ERN1: variants seen among roughly 807,000 people sequenced by gnomAD.
The protein encoded by ERN1 is serine/threonine-protein kinase/endoribonuclease IRE1.
In ERN1, 39 loss-of-function variants were observed where a neutral mutation model predicts 113.1. The ratio of observed to expected loss-of-function variants is 0.34; its 90% CI spans 0.27 to 0.45. The LOEUF (loss-of-function observed/expected upper bound fraction) is 0.45. Among genes scored for constraint, ERN1 ranks in the 20% least tolerant of loss-of-function variants. The pLI is 1.00. For missense variants in ERN1, 976 were observed against 1,274.8 expected (o/e 0.77, Z 3.57); for synonymous variants, 507 against 515.9 (o/e 0.98, Z 0.23).
In ERN1 at chr17:64,043,978, C is replaced by T. The variant is rs1912420750; in HGVS notation, c.*10G>A. 6.3e-7 allele frequency: 1 copy of T among 1,578,442 alleles called. No individual in the cohort carries two copies. The highest frequency in any genetic ancestry group is 8.7e-7 in the Non-Finnish European group (1 of 1,151,158). On this transcript the variant is annotated 3_prime_UTR_variant, in exon 22 of 22. Transcript: ENST00000433197. ...AGCTGGGGCCACCAGAACAGAGGGG[C>T]CGCCCTCGCTCAGAGGGCGTCTGGA...
In ERN1 at chr17:64,115,437, C is replaced by T. The variant is rs78976721; in HGVS notation, c.54+14539G>A. 2.1e-3 allele frequency among the ~76,000 whole-genome samples: 313 copies of T among 152,276 alleles called. 1 individual carries two copies. Among genetic ancestry groups the T allele is most frequent in the Non-Finnish European group, 3.4e-3 (233 of 68,018 alleles). On this transcript the variant is annotated intron_variant, in intron 1 of 21. Coordinates refer to ENST00000433197, the MANE Select transcript of ERN1 (RefSeq NM_001433.5). ...AAACTCCTGGCTTCAAGGGGTTTGC[C>T]GTCTAGCAGGAGAGTCGTGTAATGC...
intron 2 of ERN1, among the ~76,000 whole-genome samples, chr17:64,088,753 G>A (rs77374012): frequency 0.028 from 4,222 of 152,236 alleles, 85 homozygotes; most frequent in Non-Finnish European, 0.043. Flanking sequence ...TGCACCACAG[G>A]CTTTCCTAGG....
chr17:64,077,620 G>A (rs942491532), intron 4 of ERN1, among the ~76,000 whole-genome samples: 5 of 152,174 alleles, frequency 3.3e-5, no homozygotes, highest in Middle Eastern at 3.4e-3. Flanking sequence ...CCTCATCACC[G>A]TGCATGCCGC....
At chr17:64,110,917 G>C (rs1016115214) in intron 1 of ERN1, among the ~76,000 whole-genome samples, 1 of 152,160 alleles carries the variant, frequency 6.6e-6, no homozygotes, top group African/African-American at 2.4e-5. Flanking sequence ...CAGAAAAAGG[G>C]GCAAAGCATG....
chr17:64,094,279 C>G (rs1460766571), intron 2 of ERN1, among the ~76,000 whole-genome samples: 1 of 152,174 alleles, frequency 6.6e-6, no homozygotes, highest in South Asian at 2.1e-4. Flanking sequence ...CTATCCTGCA[C>G]TTGTCTCCAT....
intron 11 of ERN1, among the ~76,000 whole-genome samples, chr17:64,059,444 C>T (rs531644510): frequency 1.3e-5 from 2 of 152,272 alleles, no homozygotes; most frequent in South Asian, 2.1e-4. Context: ...AGGCCTGAAT[C>T]GGTCACTAAG....
intron 1 of ERN1, 187 bp downstream of exon 1, chr17:64,129,789 G>T: frequency 2.2e-6 from 1 of 460,938 alleles, no homozygotes; most frequent in Non-Finnish European, 3.5e-6. Flanking sequence ...CTCCCGTCAG[G>T]GAAGCTCTCC....
intron 1 of ERN1, chr17:64,129,608 G>A (rs2143522652): frequency 2.7e-6 from 1 of 364,806 alleles, no homozygotes; most frequent in Non-Finnish European, 4.9e-6. Flanking sequence ...GAGGAGGAGG[G>A]TCCCGCAGGT....
Position 64,052,141 on chromosome 17 carries a change from C to T in ERN1, c.2253+639G>A, listed in dbSNP as rs762611712. 2.6e-5 allele frequency among the ~76,000 whole-genome samples: 4 copies of T among 152,156 alleles called. No homozygotes were observed. In the East Asian group the frequency reaches 7.7e-4, roughly 29 times the overall value. ...AGCACTTTGGGAGGCTAAGCCTGAGCCCAGGAGTTCAAGACCAGCCTGGGC... is the reference window on the plus strand; with the variant it reads ...AGCACTTTGGGAGGCTAAGCCTGAGTCCAGGAGTTCAAGACCAGCCTGGGC... On this transcript the variant is annotated intron_variant, in intron 17 of 21. Transcript: ENST00000433197.
At chr17:64,106,328 G>C (rs778139489) in intron 1 of ERN1, among the ~76,000 whole-genome samples, 8 of 152,228 alleles carry the variant, frequency 5.3e-5, no homozygotes, top group Non-Finnish European at 1.0e-4. Context: ...GAAATCTTGA[G>C]AACAATTAAA....
Position 64,043,707 on chromosome 17 carries a change from G to T in ERN1, c.*281C>A. Reference sequence around the variant, plus strand: ...AGCAAGTTTATCCAGTAGATGGCTGGGGGTGCTACTCGCGCTGTCTCTGAG... The same window carrying T: ...AGCAAGTTTATCCAGTAGATGGCTGTGGGTGCTACTCGCGCTGTCTCTGAG... On this transcript the variant is annotated 3_prime_UTR_variant, in exon 22 of 22. Coordinates refer to ENST00000433197, the MANE Select transcript of ERN1 (RefSeq NM_001433.5). 1 of 347,390 alleles carries T rather than the reference G, an allele frequency of 2.9e-6. No individual in the cohort carries two copies. Among genetic ancestry groups the T allele is most frequent in the East Asian group, 4.4e-5 (1 of 22,720 alleles). The allele number at this position is 347,390 out of a possible 1,614,324, so 21.5% of individuals were successfully genotyped here.
At chr17:64,079,566 C>T in intron 4 of ERN1, 96 bp downstream of exon 4, 1 of 982,954 alleles carries the variant, frequency 1.0e-6, no homozygotes, top group Non-Finnish European at 1.6e-6. Context: ...TTTTTAAAAG[C>T]TCCAGGTGGG....
Position 64,098,256 on chromosome 17 carries a change from A to G in ERN1, c.55-15T>C, listed in dbSNP as rs1914283936. On this transcript the variant is annotated splice_polypyrimidine_tract_variant and intron_variant, in intron 1 of 21. Coordinates refer to ENST00000433197, the MANE Select transcript of ERN1 (RefSeq NM_001433.5). ...CTTCCAAAAATCTGCAACGAGATGT[A>G]GAAGACTCTTAATGTTGATATGATT... The G allele has an allele frequency of 5.0e-6, 8 of 1,613,898 alleles. No individual in the cohort carries two copies. The highest frequency in any genetic ancestry group is 6.8e-6 in the Non-Finnish European group (8 of 1,179,804).
intron 1 of ERN1, among the ~76,000 whole-genome samples, chr17:64,105,456 C>T (rs1218041484): frequency 6.6e-6 from 1 of 152,112 alleles, no homozygotes; most frequent in Admixed American, 6.5e-5. Context: ...AATCTTCTTC[C>T]CATCACACCT....
At chr17:64,087,249 C>T (rs1913961442) in intron 2 of ERN1, among the ~76,000 whole-genome samples, 1 of 152,202 alleles carries the variant, frequency 6.6e-6, no homozygotes, top group African/African-American at 2.4e-5. Context: ...TCACTGCCCT[C>T]CGGCCCCTAC....
intron 12 of ERN1, among the ~76,000 whole-genome samples, 188 bp downstream of exon 12, chr17:64,057,614 C>T (rs941381656): frequency 3.0e-4 from 46 of 152,146 alleles, no homozygotes; most frequent in Non-Finnish European, 7.3e-5. Flanking sequence ...GTGATCCACC[C>T]GCCTCGGCCT....
chr17:64,108,837 TCCTGGCCGGGTGCAGTAGCTCATG>T (rs1290678447), intron 1 of ERN1, among the ~76,000 whole-genome samples: 4 of 152,076 alleles, frequency 2.6e-5, no homozygotes, highest in Non-Finnish European at 5.9e-5. Flanking sequence ...TATTAAGAAG[TCCTGGCCGGGTGCAGTAGCTCATG>T]CCTGTAATCC....
rs1167167663 is a variant in ERN1 at position 64,043,831 on chromosome 17, T to A, written c.*157A>T. ...GGGCCACTTCTCCCACTTCCTGGGGTCAGCACTGTCCTCTGTGGGCTGCAG... is the reference window on the plus strand; with the variant it reads ...GGGCCACTTCTCCCACTTCCTGGGGACAGCACTGTCCTCTGTGGGCTGCAG... On this transcript the variant is annotated 3_prime_UTR_variant, in exon 22 of 22. Coordinates refer to ENST00000433197, the MANE Select transcript of ERN1 (RefSeq NM_001433.5). 1.7e-6 allele frequency: 1 copy of A among 572,386 alleles called. No individual in the cohort carries two copies. The highest frequency in any genetic ancestry group is 1.9e-5 in the African/African-American group (1 of 53,484). 35.5% of individuals were successfully genotyped at this position (572,386 alleles called of 1,614,324 possible).
intron 1 of ERN1, among the ~76,000 whole-genome samples, chr17:64,121,031 C>T (rs1449809349): frequency 6.6e-6 from 1 of 152,204 alleles, no homozygotes; most frequent in Admixed American, 6.5e-5. Context: ...CCTGCCTTCT[C>T]GGATGAACCA....
Sources: gnomAD v4.1 joint callset for allele counts (sites outside exome capture counted in the v4.1 genomes callset) on GRCh38, gnomAD v4.1.1 for gene constraint, MANE v1.5 for transcripts, NCBI Gene and HGNC (gene_info 2026-07-23, HGNC 2026-07-21) for gene names.